ARFIP1: variants seen among roughly 807,000 people sequenced by gnomAD.
The protein encoded by ARFIP1 is ARF interacting protein 1, also known as arfaptin-1.
ARFIP1 carries 24 observed loss-of-function variants against 42.5 expected under a neutral mutation model. The ratio of observed to expected loss-of-function variants is 0.57; its 90% CI spans 0.41 to 0.80. The LOEUF is 0.80. Among genes scored for constraint, ARFIP1 ranks in the 30% least tolerant of loss-of-function variants. The pLI is 0.00. For synonymous variants in ARFIP1, 141 were observed against 153.7 expected, an observed-to-expected ratio of 0.92 and a Z score of 0.61; for missense variants, 354 against 434.0, an observed-to-expected ratio of 0.82 and a Z score of 1.64.
At chr4:152,793,699 A>G (rs1183421584) in intron 1 of ARFIP1, among the ~76,000 whole-genome samples, 2 of 152,224 alleles carry the variant, frequency 1.3e-5, no homozygotes, top group South Asian at 4.1e-4. Context: ...GGAGTAATTT[A>G]TAAAGAAGAG....
At chr4:152,837,025 A>G (rs1731705987) in intron 2 of ARFIP1, among the ~76,000 whole-genome samples, 1 of 152,034 alleles carries the variant, frequency 6.6e-6, no homozygotes, top group East Asian at 1.9e-4. Flanking sequence ...GTGAGAACAT[A>G]CGATGTTTGG....
At chr4:152,894,116 G>T (rs1006529694) in intron 8 of ARFIP1, among the ~76,000 whole-genome samples, 1 of 151,140 alleles carries the variant, frequency 6.6e-6, no homozygotes, top group African/African-American at 2.4e-5. Flanking sequence ...GCTGAGGCAG[G>T]AGAATCATTT....
In ARFIP1 at chr4:152,870,791, A is replaced by G; in HGVS notation, c.241A>G (p.Ser81Gly). The G allele has an allele frequency of 6.2e-7, 1 of 1,614,112 alleles. No homozygotes were observed. Among genetic ancestry groups the G allele is most frequent in the African/African-American group, 1.3e-5 (1 of 75,062 alleles). The change falls in exon 4 of 9, where the codon AGC becomes GGC. Residue 81 changes from serine to glycine, a missense_variant. Transcript: ENST00000353617. ...GCCACTGCCATCTGTTATGTCTCCT[A>G]GCAGGGTTGCAGCTAGTCGACTGGC... is the stretch of plus-strand genomic sequence containing the variant. ...APPLPSVMSP[S>G]RVAASRLAQQ...
At chr4:152,842,379 G>T (rs888693956) in intron 2 of ARFIP1, among the ~76,000 whole-genome samples, 2 of 150,824 alleles carry the variant, frequency 1.3e-5, no homozygotes, top group African/African-American at 4.9e-5. Flanking sequence ...TGGATAACCC[G>T]ATGACATTGT....
chr4:152,889,594 A>AAT (rs35526865), intron 8 of ARFIP1, among the ~76,000 whole-genome samples: 10 of 115,626 alleles, frequency 8.6e-5, no homozygotes, highest in African/African-American at 1.4e-4. Context: ...TATACACATA[A>AAT]ATATATATAT....
intron 8 of ARFIP1, among the ~76,000 whole-genome samples, chr4:152,894,874 C>T (rs59410771): frequency 3.3e-5 from 5 of 152,066 alleles, no homozygotes; most frequent in Non-Finnish European, 5.9e-5. Flanking sequence ...GGAGTGATGC[C>T]GAACACTAAC....
At chr4:152,838,200 G>A (rs1731802041) in intron 2 of ARFIP1, among the ~76,000 whole-genome samples, 2 of 152,166 alleles carry the variant, frequency 1.3e-5, no homozygotes, top group South Asian at 4.1e-4. Context: ...TTGAAATCAG[G>A]TAATGTGATG....
intron 3 of ARFIP1, among the ~76,000 whole-genome samples, chr4:152,865,459 C>T (rs1469561332): frequency 6.6e-6 from 1 of 152,094 alleles, no homozygotes; most frequent in Non-Finnish European, 1.5e-5. Flanking sequence ...TTTTATTGTA[C>T]AGTTGGCCAA....
intron 1 of ARFIP1, among the ~76,000 whole-genome samples, chr4:152,807,576 T>G (rs1704136619): frequency 6.6e-6 from 1 of 152,234 alleles, no homozygotes; most frequent in African/African-American, 2.4e-5. Context: ...TTGTGAAGTG[T>G]TCTGTTACGT....
intron 2 of ARFIP1, among the ~76,000 whole-genome samples, chr4:152,846,392 C>T (rs1732539421): frequency 6.6e-6 from 1 of 152,152 alleles, no homozygotes. Flanking sequence ...CACACACACA[C>T]ACAAAGAGCA....
chr4:152,852,538 C>T (rs1561143018), intron 2 of ARFIP1, among the ~76,000 whole-genome samples: 1 of 151,712 alleles, frequency 6.6e-6, no homozygotes. Flanking sequence ...GAGGCTGAGG[C>T]AGGAGAATTG....
intron 3 of ARFIP1, 118 bp from the exon 4 acceptor site, chr4:152,870,635 C>T (rs912303644): frequency 8.7e-6 from 6 of 688,030 alleles, no homozygotes; most frequent in Non-Finnish European, 1.5e-5. Context: ...ATATTAATTC[C>T]AACTTTTAAT....
intron 1 of ARFIP1, among the ~76,000 whole-genome samples, chr4:152,801,672 T>C (rs1728437684): frequency 6.6e-6 from 1 of 152,212 alleles, no homozygotes; most frequent in Non-Finnish European, 1.5e-5. Context: ...ATTTCAAATC[T>C]GTCTTGATTG....
intron 1 of ARFIP1, chr4:152,796,563 G>C: frequency 1.3e-6 from 1 of 792,956 alleles, no homozygotes; most frequent in South Asian, 1.4e-5. Context: ...TTGTCTCTCT[G>C]TCCTGCTGAT....
chr4:152,803,710 A>C (rs1728602937), intron 1 of ARFIP1, among the ~76,000 whole-genome samples: 1 of 151,984 alleles, frequency 6.6e-6, no homozygotes, highest in South Asian at 2.1e-4. Flanking sequence ...GCAACTGCCA[A>C]CTGCTAGGAG....
rs973884765 is a variant in ARFIP1 at position 152,834,085 on chromosome 4, T to C, written c.93+4359T>C. 3.3e-5 allele frequency among the ~76,000 whole-genome samples: 5 copies of C among 152,100 alleles called. No homozygotes were observed. In the East Asian group the frequency reaches 9.6e-4, roughly 29 times the overall value. On this transcript the variant is annotated intron_variant, in intron 2 of 8. Transcript: ENST00000353617. ...GAGAGAGGGAGCAAGAGAGAAAAGG[T>C]GGAGGTCCCAGACTCTTTTAAACAA...
intron 1 of ARFIP1, among the ~76,000 whole-genome samples, chr4:152,820,420 C>G (rs564867982): frequency 8.4e-4 from 128 of 152,160 alleles, no homozygotes; most frequent in African/African-American, 3.1e-3. Context: ...TTCTCACACA[C>G]TGTATTAGTT....
At chr4:152,825,398 A>G (rs1380399260) in intron 1 of ARFIP1, among the ~76,000 whole-genome samples, 1 of 152,222 alleles carries the variant, frequency 6.6e-6, no homozygotes, top group Non-Finnish European at 1.5e-5. Flanking sequence ...AAATAAAGCC[A>G]AATACAACCA....
chr4:152,890,877 G>C (rs556917524), intron 8 of ARFIP1, among the ~76,000 whole-genome samples: 15 of 152,260 alleles, frequency 9.9e-5, no homozygotes, highest in African/African-American at 2.9e-4. Context: ...CTATTCTCAA[G>C]GATTTTATGT....
Sources: gnomAD v4.1 joint callset for allele counts (sites outside exome capture counted in the v4.1 genomes callset) on GRCh38, gnomAD v4.1.1 for gene constraint, MANE v1.5 for transcripts, NCBI Gene and HGNC (gene_info 2026-07-23, HGNC 2026-07-21) for gene names.